Variants in JAZF1 observed in about 807,000 individuals in gnomAD.
JAZF1 encodes JAZF zinc finger 1.
In JAZF1, 8 loss-of-function variants were observed where a neutral mutation model predicts 26.4. That is an observed-to-expected ratio of 0.30 (90% CI 0.18 to 0.55). The LOEUF is 0.55. JAZF1 is among the 20% of genes least tolerant of loss of function. The probability of loss-of-function intolerance (pLI) is 0.94; values close to 1 mark genes in which losing one functional copy is unlikely to be tolerated. For missense variants in JAZF1, 199 were observed against 322.0 expected, an observed-to-expected ratio of 0.62 and a Z score of 2.92; for synonymous variants, 126 against 122.3, an observed-to-expected ratio of 1.03 and a Z score of -0.20.
At chr7:28,028,281 T>A (rs1020714695) in intron 1 of JAZF1, among the ~76,000 whole-genome samples, 1 of 152,186 alleles carries the variant, frequency 6.6e-6, no homozygotes, top group Non-Finnish European at 1.5e-5. Context: ...TAACTGTTCA[T>A]TAAAACCAGA....
chr7:27,896,538 C>T (rs1368103427), intron 2 of JAZF1, among the ~76,000 whole-genome samples: 3 of 152,222 alleles, frequency 2.0e-5, no homozygotes, highest in Admixed American at 6.5e-5. Context: ...TTGACTATTT[C>T]AATATAATTT....
At chr7:28,151,579 T>C (rs1198630214) in intron 1 of JAZF1, among the ~76,000 whole-genome samples, 1 of 151,790 alleles carries the variant, frequency 6.6e-6, no homozygotes, top group Non-Finnish European at 1.5e-5. Context: ...GGCAGATGGA[T>C]CACTTGAGGT....
At chr7:28,014,350 T>G (rs1782846843) in intron 1 of JAZF1, among the ~76,000 whole-genome samples, 1 of 152,232 alleles carries the variant, frequency 6.6e-6, no homozygotes. Flanking sequence ...CCATTTCTGA[T>G]GAACCATCTT....
At chr7:27,941,954 C>G (rs1784854948) in intron 2 of JAZF1, among the ~76,000 whole-genome samples, 1 of 152,216 alleles carries the variant, frequency 6.6e-6, no homozygotes, top group Non-Finnish European at 1.5e-5. Context: ...AATCTGGAAT[C>G]AGATCCGAGT....
chr7:28,142,444 A>G (rs1782972052), intron 1 of JAZF1, among the ~76,000 whole-genome samples: 1 of 152,204 alleles, frequency 6.6e-6, no homozygotes, highest in Non-Finnish European at 1.5e-5. Flanking sequence ...AGGAGCCTCC[A>G]CTTTAAAATA....
chr7:27,872,250 GA>G (rs1562514084), intron 3 of JAZF1, among the ~76,000 whole-genome samples: 1 of 151,942 alleles, frequency 6.6e-6, no homozygotes, highest in Non-Finnish European at 1.5e-5. Context: ...TCCATATAAA[GA>G]AAAAAACAAG....
At chr7:28,032,280 C>T (rs1282092427) in intron 1 of JAZF1, among the ~76,000 whole-genome samples, 1 of 152,154 alleles carries the variant, frequency 6.6e-6, no homozygotes, top group Non-Finnish European at 1.5e-5. Context: ...TGGCACTGCA[C>T]ATTTTGGATA....
rs184637375 is a variant in JAZF1 at position 28,087,654 on chromosome 7, G to T, written c.115+92809C>A. ...ACAGTTAATCATCTCTTGCTTCTAA[G>T]CAAAGAAAAATTTATCAAGGACTCA... On this transcript the variant is annotated intron_variant, in intron 1 of 4. Coordinates refer to ENST00000283928, the MANE Select transcript of JAZF1 (RefSeq NM_175061.4). Among the ~76,000 whole-genome samples the T allele has an allele frequency of 7.2e-5, 11 of 152,222 alleles. No individual in the cohort carries two copies. In the East Asian group the frequency reaches 2.1e-3, roughly 29 times the overall value.
intron 1 of JAZF1, among the ~76,000 whole-genome samples, chr7:27,994,472 CA>C (rs1046341985): frequency 2.3e-3 from 55 of 24,416 alleles, no homozygotes; most frequent in African/African-American, 4.0e-3. Flanking sequence ...CAAAAAAAAA[CA>C]CACACACACA....
At chr7:28,177,542 AAAGGT>A (rs1783566283) in intron 1 of JAZF1, among the ~76,000 whole-genome samples, 1 of 152,218 alleles carries the variant, frequency 6.6e-6, no homozygotes, top group Admixed American at 6.5e-5. Context: ...ACTAGTGGCT[AAAGGT>A]AATAACCCAG....
chr7:27,949,656 G>A (rs558684275), intron 2 of JAZF1, among the ~76,000 whole-genome samples: 8 of 152,224 alleles, frequency 5.3e-5, no homozygotes, highest in South Asian at 2.1e-4. Context: ...CCAGCTACTC[G>A]GGAGTCTGAG....
chr7:27,836,491 C>T (rs182928122), intron 4 of JAZF1, among the ~76,000 whole-genome samples: 2 of 152,296 alleles, frequency 1.3e-5, no homozygotes, highest in Non-Finnish European at 2.9e-5. Context: ...TCTTTGTTGT[C>T]AGTACTCAGG....
At chr7:28,091,227 G>A (rs1381211481) in intron 1 of JAZF1, among the ~76,000 whole-genome samples, 1 of 151,944 alleles carries the variant, frequency 6.6e-6, no homozygotes, top group Non-Finnish European at 1.5e-5. Context: ...ATACTTTTGA[G>A]AGATGCACTT....
At chr7:27,917,339 T>C (rs1237233476) in intron 2 of JAZF1, among the ~76,000 whole-genome samples, 1 of 151,808 alleles carries the variant, frequency 6.6e-6, no homozygotes, top group Non-Finnish European at 1.5e-5. Flanking sequence ...AACTCTGGCG[T>C]ATTTCTCCTC....
chr7:27,991,549 G>T (rs1332302964), intron 2 of JAZF1, among the ~76,000 whole-genome samples: 1 of 152,140 alleles, frequency 6.6e-6, no homozygotes, highest in Non-Finnish European at 1.5e-5. Context: ...TTACAACAAT[G>T]TTTTGAATTC....
At chr7:28,044,171 T>A (rs1255542199) in intron 1 of JAZF1, among the ~76,000 whole-genome samples, 1 of 152,170 alleles carries the variant, frequency 6.6e-6, no homozygotes, top group Non-Finnish European at 1.5e-5. Context: ...CTAAAAAAAA[T>A]GCATCAAATA....
chr7:27,830,678 C>A lies in JAZF1; in HGVS notation c.*2122G>T. 1 of 188,842 alleles carries A rather than the reference C, an allele frequency of 5.3e-6. No homozygotes were observed. Among genetic ancestry groups the A allele is most frequent in the Non-Finnish European group, 1.1e-5 (1 of 89,438 alleles). The allele number at this position is 188,842 out of a possible 1,614,324, so 11.7% of individuals were successfully genotyped here. A position where few individuals can be genotyped will look rare whatever the true frequency, so the allele number is the denominator to read the frequency against. ...GATTAAATTGCCTTCAGTTCTAAAA[C>A]AAACCTCTGTTGCTTTCAGACTTAA... On this transcript the variant is annotated 3_prime_UTR_variant, in exon 5 of 5. Transcript: ENST00000283928.
At position 28,110,147 on chromosome 7, in the gene JAZF1, C is replaced by T. The variant is rs142364691; in HGVS notation, c.115+70316G>A. Among the ~76,000 whole-genome samples the T allele has an allele frequency of 4.0e-3, 615 of 152,110 alleles. 4 individuals are homozygous for T. Among genetic ancestry groups the T allele is most frequent in the African/African-American group, 0.012 (515 of 41,488 alleles). On this transcript the variant is annotated intron_variant, in intron 1 of 4. Transcript: ENST00000283928. ...AGAATTATAATTAGAAAGTTTAGGC[C>T]GGGCATGGTGGCTCACACCTGTAAT...
rs1393163135 is a variant in JAZF1 at position 28,122,697 on chromosome 7, C to T, written c.115+57766G>A. 2.6e-5 allele frequency among the ~76,000 whole-genome samples: 4 copies of T among 152,026 alleles called. No homozygotes were observed. The East Asian group carries it at 7.7e-4, about 29-fold the overall frequency. On this transcript the variant is annotated intron_variant, in intron 1 of 4. Coordinates refer to ENST00000283928, the MANE Select transcript of JAZF1 (RefSeq NM_175061.4). ...TCATTGCTTGTAAGGTTAGGGCAAT[C>T]CCGGAACACCAACCAACACCACTCA...
Sources: allele counts gnomAD v4.1 joint callset (sites outside exome capture counted in the v4.1 genomes callset), GRCh38; gene constraint gnomAD v4.1.1; transcripts MANE v1.5; gene names NCBI Gene and HGNC (gene_info 2026-07-23, HGNC 2026-07-21).